Variants in MYRIP observed in about 807,000 individuals in gnomAD.
MYRIP encodes the protein rab effector MyRIP.
Under a neutral mutation model 98.0 loss-of-function variants are expected in MYRIP, and 49 were observed. The observed-to-expected ratio is 0.50, with a 90% confidence interval of 0.40 to 0.63. MYRIP has a LOEUF of 0.63. Ranked by LOEUF, MYRIP falls within the 30% of genes least tolerant of loss-of-function variation. MYRIP has a pLI of 0.00. For missense variants in MYRIP, 1,004 were observed against 1,058.2 expected (o/e 0.95, Z 0.71); for synonymous variants, 404 against 409.5 (o/e 0.99, Z 0.16).
intron 1 of MYRIP, among the ~76,000 whole-genome samples, chr3:39,834,093 A>T (rs1941551044): frequency 6.6e-6 from 1 of 152,184 alleles, no homozygotes; most frequent in African/African-American, 2.4e-5. Context: ...GTAAATACCC[A>T]TGGGCATGAC....
At chr3:39,994,407 G>C (rs139674666) in intron 2 of MYRIP, among the ~76,000 whole-genome samples, 1 of 152,218 alleles carries the variant, frequency 6.6e-6, no homozygotes, top group Admixed American at 6.5e-5. Flanking sequence ...TGCCTGGCTC[G>C]GAGGGTCCTA....
At chr3:40,067,970 G>T (rs1948155730) in intron 3 of MYRIP, among the ~76,000 whole-genome samples, 1 of 152,066 alleles carries the variant, frequency 6.6e-6, no homozygotes. Flanking sequence ...CTATACAATA[G>T]CCATAGTTAT....
intron 1 of MYRIP, among the ~76,000 whole-genome samples, chr3:39,871,511 A>C (rs1284699468): frequency 2.6e-5 from 4 of 152,302 alleles, no homozygotes; most frequent in African/African-American, 9.6e-5. Flanking sequence ...AACGTCTTCA[A>C]CTTGTAGCCG....
chr3:40,082,519 C>T (rs1948500088), intron 3 of MYRIP, among the ~76,000 whole-genome samples: 1 of 152,158 alleles, frequency 6.6e-6, no homozygotes, highest in African/African-American at 2.4e-5. Flanking sequence ...ATAATGAACT[C>T]CAAGATTATT....
At chr3:39,974,020 G>C (rs1223948054) in intron 2 of MYRIP, among the ~76,000 whole-genome samples, 1 of 152,012 alleles carries the variant, frequency 6.6e-6, no homozygotes, top group Non-Finnish European at 1.5e-5. Context: ...CACATTCAAA[G>C]CTAGCAGAAG....
intron 4 of MYRIP, among the ~76,000 whole-genome samples, chr3:40,158,664 A>T (rs1357486051): frequency 6.6e-6 from 1 of 152,146 alleles, no homozygotes; most frequent in Non-Finnish European, 1.5e-5. Flanking sequence ...GACTTGCTTT[A>T]TGAATCTGGG....
chr3:40,134,333 G>A (rs1575564606), intron 3 of MYRIP, among the ~76,000 whole-genome samples: 1 of 152,216 alleles, frequency 6.6e-6, no homozygotes, highest in African/African-American at 2.4e-5. Context: ...GCGAGGCTGC[G>A]GGAGGGGCGC....
chr3:39,852,785 C>T (rs1212640498), intron 1 of MYRIP, among the ~76,000 whole-genome samples: 1 of 148,960 alleles, frequency 6.7e-6, no homozygotes, highest in Non-Finnish European at 1.5e-5. Context: ...CTTCTGTTCT[C>T]CTCTTCTCCT....
intron 3 of MYRIP, among the ~76,000 whole-genome samples, chr3:40,087,430 C>T (rs1948651897): frequency 6.6e-6 from 1 of 152,060 alleles, no homozygotes; most frequent in Non-Finnish European, 1.5e-5. Context: ...AGTAGATCAA[C>T]AGAACAAAGA....
At chr3:40,249,322 G>A (rs530238218) in intron 13 of MYRIP, among the ~76,000 whole-genome samples, 18 of 152,172 alleles carry the variant, frequency 1.2e-4, no homozygotes, top group African/African-American at 2.9e-4. Context: ...CCCCCATACC[G>A]GGTGTTGGCA....
intron 11 of MYRIP, among the ~76,000 whole-genome samples, chr3:40,222,449 G>A (rs1187194625): frequency 1.3e-5 from 2 of 152,130 alleles, no homozygotes; most frequent in Non-Finnish European, 2.9e-5. Context: ...TCTGAGCCCA[G>A]CCTCCAGAGT....
At position 39,847,042 on chromosome 3, in the gene MYRIP, T is replaced by G. The variant is rs976060372; in HGVS notation, c.-31+37126T>G. On this transcript the variant is annotated intron_variant, in intron 1 of 16. Coordinates refer to ENST00000302541, the MANE Select transcript of MYRIP (RefSeq NM_015460.4). ...CATTAAGCAGGGCAATCTCTTTTAC[T>G]CAAAGTTTAATGCCAAGCTCATCCA... Among the ~76,000 whole-genome samples the G allele has an allele frequency of 1.7e-4, 26 of 152,188 alleles. 1 individual carries two copies. Among genetic ancestry groups the G allele is most frequent in the Admixed American group, 6.5e-4 (10 of 15,276 alleles).
chr3:40,140,518 A>G (rs1463847841), intron 3 of MYRIP, among the ~76,000 whole-genome samples: 4 of 152,164 alleles, frequency 2.6e-5, no homozygotes, highest in Non-Finnish European at 5.9e-5. Context: ...TTCTATTTGT[A>G]GTTTGGTGAG....
intron 3 of MYRIP, among the ~76,000 whole-genome samples, chr3:40,064,538 G>A (rs1419231987): frequency 6.6e-6 from 1 of 152,158 alleles, no homozygotes; most frequent in Admixed American, 6.5e-5. Flanking sequence ...TTTATCCAGG[G>A]GGTAATTAGG....
intron 3 of MYRIP, among the ~76,000 whole-genome samples, chr3:40,074,124 G>A (rs545173258): frequency 5.6e-4 from 85 of 151,334 alleles, no homozygotes; most frequent in African/African-American, 2.0e-3. Flanking sequence ...ACCCAGGTTG[G>A]AGTGCAGTGG....
rs560159143 is a variant in MYRIP, at chr3:39,949,918, A to G, written c.110+48992A>G. ...TTCCTTAGAAAAGGTGGAAGATAAA[A>G]GATGTTGAAGAGGTCTGATTTTTCT... On this transcript the variant is annotated intron_variant, in intron 2 of 16. Transcript: ENST00000302541. Among the ~76,000 whole-genome samples, 88 of 152,300 alleles carry G rather than the reference A, an allele frequency of 5.8e-4. 1 individual carries two copies. The Middle Eastern group carries it at 0.01, about 18-fold the overall frequency.
At chr3:39,856,795 A>G (rs1942308366) in intron 1 of MYRIP, among the ~76,000 whole-genome samples, 1 of 152,226 alleles carries the variant, frequency 6.6e-6, no homozygotes, top group Non-Finnish European at 1.5e-5. Flanking sequence ...AACATGTAAA[A>G]GCCTTGAAGA....
At chr3:40,021,272 C>G (rs1382608988) in intron 2 of MYRIP, among the ~76,000 whole-genome samples, 1 of 151,774 alleles carries the variant, frequency 6.6e-6, no homozygotes, top group Non-Finnish European at 1.5e-5. Context: ...TTAGGAGGAT[C>G]AGCTGTAGAT....
chr3:39,923,988 A>T (rs1397215013), intron 2 of MYRIP, among the ~76,000 whole-genome samples: 3 of 152,126 alleles, frequency 2.0e-5, no homozygotes, highest in East Asian at 3.8e-4. Context: ...CTATACAAAG[A>T]GATATATTCT....
Sources: allele counts gnomAD v4.1 joint callset (sites outside exome capture counted in the v4.1 genomes callset), GRCh38; gene constraint gnomAD v4.1.1; transcripts MANE v1.5; gene names NCBI Gene and HGNC (gene_info 2026-07-23, HGNC 2026-07-21).